The following IMPG1 variants were observed in gnomAD, a reference collection of about 807,000 sequenced individuals.
IMPG1 encodes the protein interphotoreceptor matrix proteoglycan of 150 kDa.
IMPG1 carries 85 observed loss-of-function variants against 92.0 expected under a neutral mutation model. That is an observed-to-expected ratio of 0.92 (90% CI 0.78 to 1.11). The LOEUF (loss-of-function observed/expected upper bound fraction) is 1.11, where lower values mean the gene tolerates loss of function less well. Ranked by LOEUF, IMPG1 falls within the 50% of genes least tolerant of loss-of-function variation. The probability of loss-of-function intolerance (pLI) is 0.00; values close to 1 mark genes in which losing one functional copy is unlikely to be tolerated. For missense variants in IMPG1, 1,022 were observed against 956.0 expected (o/e 1.07, Z -0.91); for synonymous variants, 367 against 334.1 (o/e 1.10, Z -1.08).
intron 6 of IMPG1, 48 bp from the exon 7 acceptor site, chr6:76,018,906 A>T: frequency 6.7e-7 from 1 of 1,499,336 alleles, no homozygotes; most frequent in Non-Finnish European, 9.0e-7. Flanking sequence ...TAAACCACAA[A>T]TAAATGGTTA....
chr6:75,947,232 T>C (rs1781940944), intron 14 of IMPG1, 82 bp downstream of exon 14: 1 of 1,096,152 alleles, frequency 9.1e-7, no homozygotes, highest in African/African-American at 1.6e-5. Context: ...GGCCTAAAGA[T>C]TGAAACGTGT....
intron 11 of IMPG1, among the ~76,000 whole-genome samples, chr6:76,003,232 T>C (rs1446404929): frequency 6.6e-6 from 1 of 152,212 alleles, no homozygotes; most frequent in Non-Finnish European, 1.5e-5. Flanking sequence ...TCTGCCTGAA[T>C]AGACTTAACT....
At chr6:75,986,106 C>A (rs1395111963) in intron 12 of IMPG1, among the ~76,000 whole-genome samples, 1 of 151,920 alleles carries the variant, frequency 6.6e-6, no homozygotes, top group Non-Finnish European at 1.5e-5. Context: ...AATGATGAAC[C>A]ATGTACCATG....
chr6:76,011,675 G>A (rs550174490), intron 7 of IMPG1, among the ~76,000 whole-genome samples: 2 of 150,898 alleles, frequency 1.3e-5, no homozygotes, highest in Admixed American at 6.6e-5. Context: ...ATGCTGGTGC[G>A]CTGCACCCAC....
chr6:75,977,326 G>A (rs769519315), intron 12 of IMPG1, among the ~76,000 whole-genome samples: 6 of 152,024 alleles, frequency 3.9e-5, no homozygotes, highest in Non-Finnish European at 7.4e-5. Flanking sequence ...GGTGGCTCAC[G>A]CCTGTAATCC....
At chr6:76,033,395 G>A (rs1285310620) in intron 4 of IMPG1, among the ~76,000 whole-genome samples, 1 of 152,156 alleles carries the variant, frequency 6.6e-6, no homozygotes, top group Non-Finnish European at 1.5e-5. Flanking sequence ...GGTTGGGAGT[G>A]GATATTCAGA....
At chr6:76,004,480 C>A (rs545348822) in intron 10 of IMPG1, among the ~76,000 whole-genome samples, 1 of 152,242 alleles carries the variant, frequency 6.6e-6, no homozygotes, top group African/African-American at 2.4e-5. Context: ...CTCAAGAGAC[C>A]TTTATGAAGT....
In IMPG1 at chr6:76,034,671, T is replaced by A. The variant is rs199512173; in HGVS notation, c.418A>T (p.Ile140Phe). ...CQQETFCLFD[I>F]GKNFSNSQEH... ...TGGGAATTGCTGAAGTTTTTTCCAA[T>A]GTCAAAGAGGCAGAAGGTCTCCTGC... is the stretch of plus-strand genomic sequence containing the variant. Residue 140 changes from isoleucine to phenylalanine, a missense_variant, in exon 3 of 17, where the codon ATT becomes TTT. This residue lies in a region of IMPG1 where 681 missense variants were observed against 583.6 expected (regional missense o/e 1.17). Transcript: ENST00000369950. The A allele has an allele frequency of 2.5e-6, 4 of 1,614,180 alleles. No individual in the cohort carries two copies. In the South Asian group the frequency reaches 3.3e-5, roughly 13 times the overall value.
chr6:75,997,263 C>A (rs1028906542), intron 12 of IMPG1, among the ~76,000 whole-genome samples: 6 of 152,170 alleles, frequency 3.9e-5, no homozygotes, highest in Admixed American at 3.9e-4. Context: ...TTAGGAAAAC[C>A]TTGCTCCCTG....
intron 12 of IMPG1, among the ~76,000 whole-genome samples, chr6:75,996,434 C>T (rs765254243): frequency 5.3e-5 from 8 of 152,106 alleles, no homozygotes; most frequent in East Asian, 1.9e-4. Context: ...CTACAACCAC[C>T]GTTAACTGCT....
chr6:76,055,087 A>G (rs190443523), intron 1 of IMPG1, among the ~76,000 whole-genome samples: 1 of 152,148 alleles, frequency 6.6e-6, no homozygotes, highest in Admixed American at 6.6e-5. Context: ...GACATGTATG[A>G]GGCATCATAT....
intron 8 of IMPG1, among the ~76,000 whole-genome samples, chr6:76,010,256 C>A (rs1281349278): frequency 6.6e-6 from 1 of 152,216 alleles, no homozygotes; most frequent in Non-Finnish European, 1.5e-5. Flanking sequence ...GCCAGAAACA[C>A]TTCTGGGGGA....
chr6:76,020,936 C>A (rs1043326289), intron 6 of IMPG1, among the ~76,000 whole-genome samples: 1 of 152,070 alleles, frequency 6.6e-6, no homozygotes, highest in African/African-American at 2.4e-5. Context: ...TTGAAATGGC[C>A]ATGCAAAGTC....
intron 1 of IMPG1, among the ~76,000 whole-genome samples, chr6:76,051,104 G>C (rs750341330): frequency 6.6e-6 from 1 of 151,596 alleles, no homozygotes; most frequent in Non-Finnish European, 1.5e-5. Context: ...TCAATGACTG[G>C]AAGTTAAAAA....
At chr6:76,045,308 C>T (rs1484450160) in intron 1 of IMPG1, among the ~76,000 whole-genome samples, 1 of 152,170 alleles carries the variant, frequency 6.6e-6, no homozygotes, top group Non-Finnish European at 1.5e-5. Context: ...TTGAAAATTA[C>T]TTTCTGATAA....
intron 14 of IMPG1, among the ~76,000 whole-genome samples, chr6:75,941,971 G>T (rs1049764868): frequency 2.8e-4 from 43 of 152,170 alleles, no homozygotes; most frequent in African/African-American, 1.0e-3. Flanking sequence ...AGGCTGGGGG[G>T]ACACTGGACC....
At chr6:75,956,616 AT>A (rs1365540092) in intron 12 of IMPG1, among the ~76,000 whole-genome samples, 1 of 151,240 alleles carries the variant, frequency 6.6e-6, no homozygotes, top group Non-Finnish European at 1.5e-5. Flanking sequence ...CATTTTAGTT[AT>A]TTCTTGTTTT....
In IMPG1 at chr6:76,034,704, T is replaced by C. The variant is rs749035887; in HGVS notation, c.385A>G (p.Ile129Val). The C allele has an allele frequency of 1.9e-6, 3 of 1,614,154 alleles. No individual in the cohort carries two copies. Among genetic ancestry groups the C allele is most frequent in the Non-Finnish European group, 2.5e-6 (3 of 1,180,000 alleles). Reference protein sequence around the residue: ...DTGEYQDWVSICQQETFCLFD... With the variant: ...DTGEYQDWVSVCQQETFCLFD... Reference sequence around the variant, plus strand: ...AGGCAGAAGGTCTCCTGCTGGCAGATGCTGACCCAGTCCTGATATTCCCCT... The same window carrying C: ...AGGCAGAAGGTCTCCTGCTGGCAGACGCTGACCCAGTCCTGATATTCCCCT... The change falls in exon 3 of 17, where the codon ATC (isoleucine) becomes GTC (valine). Residue 129 changes from isoleucine to valine, a missense_variant. Transcript: ENST00000369950.
chr6:75,941,781 A>G (rs1562341395), intron 14 of IMPG1, among the ~76,000 whole-genome samples: 2 of 152,154 alleles, frequency 1.3e-5, no homozygotes. Context: ...TAAAATTCCA[A>G]TTTTTCATAT....
Sources: gnomAD v4.1 joint callset for allele counts (sites outside exome capture counted in the v4.1 genomes callset) on GRCh38, gnomAD v4.1.1 for gene constraint, gnomAD v4.1.1 regional missense constraint, MANE v1.5 for transcripts, NCBI Gene and HGNC (gene_info 2026-07-23, HGNC 2026-07-21) for gene names.